CYBRD1: variants seen among roughly 807,000 people sequenced by gnomAD.
The protein encoded by CYBRD1 is cytochrome b reductase 1.
A neutral mutation model predicts 21.9 loss-of-function variants in CYBRD1; 14 were observed. The observed-to-expected ratio is 0.64, with a 90% CI of 0.42 to 1.00. The LOEUF is 1.00. Ranked by LOEUF, CYBRD1 falls within the 50% of genes least tolerant of loss-of-function variation. The probability of loss-of-function intolerance (pLI) is 0.00; values close to 1 mark genes in which losing one functional copy is unlikely to be tolerated. For synonymous variants in CYBRD1, 146 were observed against 136.5 expected (o/e 1.07, Z -0.48); for missense variants, 328 against 352.5 (o/e 0.93, Z 0.56).
chr2:171,522,320 G>C (rs1697316491), upstream of CYBRD1: 6 of 1,527,112 alleles, frequency 3.9e-6, no homozygotes, highest in East Asian at 1.2e-4. This position sits in a 1 kb window ranked among gnomAD's most constrained non-coding sequence, Gnocchi z 4.3. Flanking sequence ...GAGCGCCCTC[G>C]GCGGCCGCGT....
At chr2:171,546,488 A>G (rs929451619) in intron 2 of CYBRD1, among the ~76,000 whole-genome samples, 7 of 152,158 alleles carry the variant, frequency 4.6e-5, no homozygotes, top group Admixed American at 2.6e-4. Context: ...GGTTAAGAAC[A>G]TGCATTTTTT....
In CYBRD1 at chr2:171,543,574, A is replaced by C. The variant is rs531165327; in HGVS notation, c.402+1781A>C. 2.0e-5 allele frequency among the ~76,000 whole-genome samples: 3 copies of C among 152,320 alleles called. No homozygotes were observed. The East Asian group carries it at 5.8e-4, about 29-fold the overall frequency. ...TGTTTATTCTCATTCTCTGCTTTTT[A>C]AAATACTTTAATCACATACTGTGAA... On this transcript the variant is annotated intron_variant, in intron 2 of 3. Coordinates refer to ENST00000321348, the MANE Select transcript of CYBRD1 (RefSeq NM_024843.4).
chr2:171,552,958 A>G (rs1683403636), intron 2 of CYBRD1, among the ~76,000 whole-genome samples: 1 of 152,224 alleles, frequency 6.6e-6, no homozygotes, highest in Non-Finnish European at 1.5e-5. Flanking sequence ...TGTTCACTAT[A>G]GTCGGATTAA....
rs959733351 is a variant in CYBRD1, at chr2:171,538,094, T to C, written c.194-3491T>C. Among the ~76,000 whole-genome samples, 4 of 152,160 alleles carry C rather than the reference T, an allele frequency of 2.6e-5. No homozygotes were observed. The South Asian group carries it at 6.2e-4, about 24-fold the overall frequency. ...GAGTTCAAGATCAGCCTGGTCAACA[T>C]GGCAAAACTCCGTCTCTACTAAAAA... is the stretch of plus-strand genomic sequence containing the variant. On this transcript the variant is annotated intron_variant, in intron 1 of 3. Coordinates refer to ENST00000321348, the MANE Select transcript of CYBRD1 (RefSeq NM_024843.4).
intron 1 of CYBRD1, among the ~76,000 whole-genome samples, chr2:171,526,758 A>G (rs1261921795): frequency 1.3e-5 from 2 of 152,236 alleles, no homozygotes; most frequent in East Asian, 3.8e-4. Flanking sequence ...AGGTTCAGCA[A>G]GGTGGAATGT....
rs142131097 is a variant in CYBRD1, at chr2:171,539,469, GAAAGA to G, written c.194-2103_194-2099del. 8.9e-3 allele frequency among the ~76,000 whole-genome samples: 1,352 copies of G among 152,192 alleles called. 17 individuals are homozygous for G. Among genetic ancestry groups the G allele is most frequent in the African/African-American group, 0.027 (1,138 of 41,528 alleles). ...ACTACATTCCAGCCTGGGTGACAGAGAAAGAAAAGAAAAGAAATATACGTGATACC... is the reference window on the plus strand; with the variant it reads ...ACTACATTCCAGCCTGGGTGACAGAGAAAGAAAAGAAATATACGTGATACC... On this transcript the variant is annotated intron_variant, in intron 1 of 3. Coordinates refer to ENST00000321348, the MANE Select transcript of CYBRD1 (RefSeq NM_024843.4).
intron 1 of CYBRD1, among the ~76,000 whole-genome samples, chr2:171,530,059 A>G (rs1176306592): frequency 1.3e-5 from 2 of 152,198 alleles, no homozygotes; most frequent in Non-Finnish European, 2.9e-5. Flanking sequence ...CACACAGAGA[A>G]GAAGGCTATG....
At chr2:171,523,249 A>C in intron 1 of CYBRD1, 1 of 428,992 alleles carries the variant, frequency 2.3e-6, no homozygotes, top group Non-Finnish European at 4.8e-6. Flanking sequence ...GAGGAGGGGA[A>C]GGCAGCGGGG....
At position 171,554,895 on chromosome 2, in the gene CYBRD1, T is replaced by C; in HGVS notation, c.*68T>C. 1 of 1,519,734 alleles carries C rather than the reference T, an allele frequency of 6.6e-7. No individual in the cohort carries two copies. 94.1% of individuals were successfully genotyped at this position (1,519,734 alleles called of 1,614,324 possible). Reference sequence around the variant, plus strand: ...TAGCTCTACAGTTTTGCTTCTCCTATTAGCCATATGATAATTGGGCTATGT... The same window carrying C: ...TAGCTCTACAGTTTTGCTTCTCCTACTAGCCATATGATAATTGGGCTATGT... On this transcript the variant is annotated 3_prime_UTR_variant, in exon 4 of 4. Transcript: ENST00000321348.
rs75839879 is a variant in CYBRD1, at chr2:171,547,930, C to G, written c.403-5416C>G. On this transcript the variant is annotated intron_variant, in intron 2 of 3. Transcript: ENST00000321348. Reference sequence around the variant, plus strand: ...GTTTACTCCAGTATTACCTAGCAGACCAGGGGTAGTCATGAAGATGGCTGA... The same window carrying G: ...GTTTACTCCAGTATTACCTAGCAGAGCAGGGGTAGTCATGAAGATGGCTGA... Among the ~76,000 whole-genome samples, 291 of 151,898 alleles carry G rather than the reference C, an allele frequency of 1.9e-3. 14 individuals carry two copies. In the East Asian group the frequency reaches 0.044, roughly 23 times the overall value.
At chr2:171,527,682 A>T (rs2105329575) in intron 1 of CYBRD1, among the ~76,000 whole-genome samples, 1 of 152,170 alleles carries the variant, frequency 6.6e-6, no homozygotes, top group African/African-American at 2.4e-5. Context: ...CCTTCATCCC[A>T]GTTCTCCCTC....
intron 2 of CYBRD1, 103 bp downstream of exon 2, chr2:171,541,896 G>A (rs1486748819): frequency 1.3e-5 from 13 of 1,038,394 alleles, no homozygotes; most frequent in Middle Eastern, 3.2e-4. Context: ...ACAGAGTCTC[G>A]CTTAGCCACC....
chr2:171,546,068 C>G (rs1001576284), intron 2 of CYBRD1, among the ~76,000 whole-genome samples: 2 of 152,198 alleles, frequency 1.3e-5, no homozygotes, highest in Admixed American at 6.5e-5. Context: ...GCTAACCGAG[C>G]TTCTCAGAAA....
rs1427721375 is a variant in CYBRD1, at chr2:171,554,717, G to A, written c.751G>A (p.Ala251Thr). 2 of 1,614,024 alleles carry A rather than the reference G, an allele frequency of 1.2e-6. No individual in the cohort carries two copies. The part of the protein sequence containing the change: ...TEQGARGSMP[A>T]YSGNNMDKSD... ...ACAGGGAGCAAGAGGTTCCATGCCAGCCTACTCTGGCAACAACATGGACAA... is the reference window on the plus strand; with the variant it reads ...ACAGGGAGCAAGAGGTTCCATGCCAACCTACTCTGGCAACAACATGGACAA... The change falls in exon 4 of 4, where the codon GCC becomes ACC. Residue 251 changes from alanine (A) to threonine (T), a missense_variant. Physicochemically the swap from Ala to Thr is moderately conservative, Grantham distance 58. Transcript: ENST00000321348.
intron 2 of CYBRD1, among the ~76,000 whole-genome samples, chr2:171,549,991 C>A (rs1697775085): frequency 1.3e-5 from 2 of 152,210 alleles, no homozygotes; most frequent in African/African-American, 4.8e-5. Context: ...CAAACTTCAA[C>A]ATACGTAAGA....
Position 171,554,988 on chromosome 2 carries a change from G to T in CYBRD1, c.*161G>T. ...ATAATTTGTATTGATTGAGGCCTATGAACTGACCTGAATTGGAAAGGATGT... is the reference window on the plus strand; with the variant it reads ...ATAATTTGTATTGATTGAGGCCTATTAACTGACCTGAATTGGAAAGGATGT... On this transcript the variant is annotated 3_prime_UTR_variant, in exon 4 of 4. Transcript: ENST00000321348. The T allele has an allele frequency of 1.4e-6, 1 of 733,770 alleles. No homozygotes were observed. The highest frequency in any genetic ancestry group is 2.3e-6 in the Non-Finnish European group (1 of 443,788). The allele number at this position is 733,770 out of a possible 1,614,324, so 45.5% of individuals were successfully genotyped here. A position where few individuals can be genotyped will look rare whatever the true frequency, so the allele number is the denominator to read the frequency against.
At chr2:171,530,869 A>C (rs1697454582) in intron 1 of CYBRD1, among the ~76,000 whole-genome samples, 1 of 152,160 alleles carries the variant, frequency 6.6e-6, no homozygotes, top group Non-Finnish European at 1.5e-5. Flanking sequence ...AAGGTAGAAC[A>C]TTCTTCCTTT....
chr2:171,525,232 C>T (rs951141243), intron 1 of CYBRD1, among the ~76,000 whole-genome samples: 1 of 152,204 alleles, frequency 6.6e-6, no homozygotes, highest in Non-Finnish European at 1.5e-5. Flanking sequence ...GCCACAGTAC[C>T]CGGCCGATCT....
chr2:171,544,247 C>T (rs1023076555), intron 2 of CYBRD1, among the ~76,000 whole-genome samples: 4 of 152,092 alleles, frequency 2.6e-5, no homozygotes, highest in African/African-American at 7.2e-5. Context: ...AATTCTATAT[C>T]GAATTCTTTT....
Sources: gnomAD v4.1 joint callset for allele counts (sites outside exome capture counted in the v4.1 genomes callset) on GRCh38, gnomAD v4.1.1 for gene constraint, Gnocchi (gnomAD v3.1) non-coding constraint, MANE v1.5 for transcripts, NCBI Gene and HGNC (gene_info 2026-07-23, HGNC 2026-07-21) for gene names.